The following TAFA1 variants were observed in gnomAD, a reference collection of about 807,000 sequenced individuals.
The protein encoded by TAFA1 is chemokine-like protein TAFA-1.
Under a neutral mutation model 18.5 loss-of-function variants are expected in TAFA1, and 4 were observed. The observed-to-expected ratio is 0.22, with a 90% CI of 0.11 to 0.49. The LOEUF (loss-of-function observed/expected upper bound fraction) is 0.49, where lower values mean the gene tolerates loss of function less well. Ranked by LOEUF, TAFA1 falls within the 20% of genes least tolerant of loss-of-function variation. TAFA1 has a pLI of 0.98. For synonymous variants in TAFA1, 56 were observed against 55.2 expected (o/e 1.01, Z -0.06); for missense variants, 147 against 169.0 (o/e 0.87, Z 0.72).
intron 3 of TAFA1, among the ~76,000 whole-genome samples, chr3:68,531,101 C>T (rs1218788689): frequency 1.3e-5 from 2 of 152,088 alleles, no homozygotes; most frequent in Non-Finnish European, 2.9e-5. Context: ...TTAATTCCTG[C>T]ACTTCCTACC....
In TAFA1 at chr3:68,076,204, G is replaced by A. The variant is rs1302995560; in HGVS notation, c.118+69460G>A. On this transcript the variant is annotated intron_variant, in intron 2 of 4. Coordinates refer to ENST00000478136, the MANE Select transcript of TAFA1 (RefSeq NM_213609.4). ...GGTGTAGTGGTCTTTGAAGATGAGA[G>A]TCTGATAAAAGAGAATTCTAAAGTA... Among the ~76,000 whole-genome samples the A allele has an allele frequency of 5.3e-5, 8 of 152,050 alleles. No homozygotes were observed. The South Asian group carries it at 1.7e-3, about 32-fold the overall frequency.
chr3:68,448,693 T>C (rs919470261), intron 3 of TAFA1, among the ~76,000 whole-genome samples: 3 of 152,152 alleles, frequency 2.0e-5, no homozygotes, highest in African/African-American at 7.2e-5. Context: ...CAACTGTTAA[T>C]GTTGTAAGAG....
At chr3:68,067,553 T>C (rs1440014390) in intron 2 of TAFA1, among the ~76,000 whole-genome samples, 2 of 152,216 alleles carry the variant, frequency 1.3e-5, no homozygotes, top group Non-Finnish European at 2.9e-5. Flanking sequence ...AGCATGCTCC[T>C]GCACATGGTA....
chr3:68,402,220 C>A (rs1343123265), intron 2 of TAFA1, among the ~76,000 whole-genome samples: 1 of 152,056 alleles, frequency 6.6e-6, no homozygotes, highest in Admixed American at 6.6e-5. Context: ...TTGAATGCAC[C>A]GGTGCTCATT....
At chr3:68,408,351 G>C (rs1229559609) in intron 2 of TAFA1, among the ~76,000 whole-genome samples, 1 of 152,052 alleles carries the variant, frequency 6.6e-6, no homozygotes, top group Non-Finnish European at 1.5e-5. Context: ...ATTTCACTTA[G>C]AGTAAAAAGC....
At chr3:68,198,731 TA>T (rs1377003278) in intron 2 of TAFA1, among the ~76,000 whole-genome samples, 1 of 151,582 alleles carries the variant, frequency 6.6e-6, no homozygotes, top group Admixed American at 6.6e-5. Flanking sequence ...GTTGATTTTT[TA>T]TTGTTTAAAG....
intron 2 of TAFA1, among the ~76,000 whole-genome samples, chr3:68,141,155 C>T (rs1031464601): frequency 1.2e-4 from 18 of 152,114 alleles, no homozygotes; most frequent in Admixed American, 3.9e-4. Flanking sequence ...AATAACCAAA[C>T]GGGTGCCACG....
chr3:68,244,505 A>G (rs565982930), intron 2 of TAFA1, among the ~76,000 whole-genome samples: 2 of 152,290 alleles, frequency 1.3e-5, no homozygotes, highest in South Asian at 4.1e-4. Context: ...TTTGTTAAAA[A>G]GATTATGTCT....
At chr3:68,134,686 C>T (rs956902431) in intron 2 of TAFA1, among the ~76,000 whole-genome samples, 1 of 152,050 alleles carries the variant, frequency 6.6e-6, no homozygotes, top group African/African-American at 2.4e-5. Flanking sequence ...GTCAAGTAAA[C>T]AAATACCTAT....
At chr3:68,324,256 CCTTGTTGATAAAT>C (rs2068741024) in intron 2 of TAFA1, among the ~76,000 whole-genome samples, 1 of 151,566 alleles carries the variant, frequency 6.6e-6, no homozygotes, top group Non-Finnish European at 1.5e-5. Flanking sequence ...ATAAATATAG[CCTTGTTGATAAAT>C]ATAGCCTTGT....
chr3:68,301,603 G>A (rs1429288256), intron 2 of TAFA1, among the ~76,000 whole-genome samples: 1 of 152,062 alleles, frequency 6.6e-6, no homozygotes, highest in Non-Finnish European at 1.5e-5. Flanking sequence ...GTAAAGCAGA[G>A]CTAAAAGCAG....
chr3:68,059,396 ACCT>A (rs2064574683), intron 2 of TAFA1, among the ~76,000 whole-genome samples: 2 of 152,182 alleles, frequency 1.3e-5, no homozygotes. Flanking sequence ...AGGCTAAGTA[ACCT>A]CCTCAAGGTC....
chr3:68,083,214 A>G (rs1179853524), intron 2 of TAFA1, among the ~76,000 whole-genome samples: 3 of 152,184 alleles, frequency 2.0e-5, no homozygotes, highest in South Asian at 2.1e-4. Flanking sequence ...GAAACAAAAT[A>G]CATTCTGGGC....
intron 3 of TAFA1, among the ~76,000 whole-genome samples, chr3:68,499,446 CTTTTT>C (rs752597708): frequency 3.6e-5 from 4 of 112,172 alleles, no homozygotes; most frequent in Admixed American, 8.9e-5. Context: ...GTGTTCCTTT[CTTTTT>C]TTTTTTTTTT....
At chr3:68,176,949 G>A (rs73095413) in intron 2 of TAFA1, among the ~76,000 whole-genome samples, 1 of 152,118 alleles carries the variant, frequency 6.6e-6, no homozygotes, top group Non-Finnish European at 1.5e-5. Context: ...TCACTATATT[G>A]CTCATCTGGT....
At chr3:68,262,324 TA>T (rs1559585853) in intron 2 of TAFA1, among the ~76,000 whole-genome samples, 11 of 67,168 alleles carry the variant, frequency 1.6e-4, no homozygotes, top group East Asian at 6.8e-4. Flanking sequence ...TATATATATA[TA>T]TATATATATA....
chr3:68,278,023 C>G (rs2067828144), intron 2 of TAFA1, among the ~76,000 whole-genome samples: 1 of 152,100 alleles, frequency 6.6e-6, no homozygotes, highest in African/African-American at 2.4e-5. Flanking sequence ...ATACGGTATC[C>G]TTACACAAAT....
At chr3:68,327,045 A>G (rs1907593) in intron 2 of TAFA1, among the ~76,000 whole-genome samples, 27,124 of 152,074 alleles carry the variant, frequency 0.18, 3,042 homozygotes, top group East Asian at 0.54. Context: ...TTCCTGTGCT[A>G]TTCTAGTGAT....
chr3:68,509,131 G>A lies in TAFA1; in HGVS notation c.260-29625G>A, dbSNP rs138291063. On this transcript the variant is annotated intron_variant, in intron 3 of 4. Coordinates refer to ENST00000478136, the MANE Select transcript of TAFA1 (RefSeq NM_213609.4). ...AAAATTAATATTCATTGAGCACTTGGTAAATGTCAGGCACAGTGCTAGGTA... is the reference window on the plus strand; with the variant it reads ...AAAATTAATATTCATTGAGCACTTGATAAATGTCAGGCACAGTGCTAGGTA... Among the ~76,000 whole-genome samples the A allele has an allele frequency of 9.8e-4, 149 of 152,190 alleles. No homozygotes were observed. The East Asian group carries it at 0.028, about 29-fold the overall frequency.
Sources: gnomAD v4.1 joint callset for allele counts (sites outside exome capture counted in the v4.1 genomes callset) on GRCh38, gnomAD v4.1.1 for gene constraint, MANE v1.5 for transcripts, NCBI Gene and HGNC (gene_info 2026-07-23, HGNC 2026-07-21) for gene names.